The following CCSER1 variants were observed in gnomAD, a reference collection of about 807,000 sequenced individuals.
CCSER1 encodes the protein coiled-coil serine rich protein 1, also known as serine-rich coiled-coil domain-containing protein 1.
In CCSER1, 41 loss-of-function variants were observed where a neutral mutation model predicts 82.0. That is an observed-to-expected ratio of 0.50 (90% CI 0.39 to 0.65). The LOEUF (loss-of-function observed/expected upper bound fraction) is 0.65, where lower values mean the gene tolerates loss of function less well. Ranked by LOEUF, CCSER1 falls within the 30% of genes least tolerant of loss-of-function variation. The probability of loss-of-function intolerance (pLI) is 0.00; values close to 1 mark genes in which losing one functional copy is unlikely to be tolerated. For synonymous variants in CCSER1, 414 were observed against 383.9 expected (o/e 1.08, Z -0.92); for missense variants, 1,119 against 1,064.2 (o/e 1.05, Z -0.72).
Position 90,565,685 on chromosome 4 carries a change from G to A in CCSER1, c.1725-62340G>A, listed in dbSNP as rs894793181. 3.9e-5 allele frequency among the ~76,000 whole-genome samples: 6 copies of A among 152,234 alleles called. No individual in the cohort carries two copies. The East Asian group carries it at 5.8e-4, about 15-fold the overall frequency. On this transcript the variant is annotated intron_variant, in intron 5 of 10. Coordinates refer to ENST00000509176, the MANE Select transcript of CCSER1 (RefSeq NM_001145065.2). Reference sequence around the variant, plus strand: ...TATTATGTTGAGGTACATTCCTTCCGTACCTAACTTGTTGAGAGTTTTTAT... The same window carrying A: ...TATTATGTTGAGGTACATTCCTTCCATACCTAACTTGTTGAGAGTTTTTAT...
chr4:91,500,315 A>G (rs1384482578), intron 10 of CCSER1, among the ~76,000 whole-genome samples: 2 of 151,992 alleles, frequency 1.3e-5, no homozygotes, highest in African/African-American at 4.8e-5. Context: ...CTTTAAAATC[A>G]GGTTATTTGA....
chr4:90,848,065 T>G (rs1763422157), intron 8 of CCSER1, among the ~76,000 whole-genome samples: 1 of 152,202 alleles, frequency 6.6e-6, no homozygotes, highest in Non-Finnish European at 1.5e-5. Context: ...TATTGTGGAT[T>G]TTTTTATGTT....
intron 9 of CCSER1, among the ~76,000 whole-genome samples, chr4:90,983,360 A>C (rs1736296659): frequency 6.6e-6 from 1 of 151,736 alleles, no homozygotes; most frequent in African/African-American, 2.4e-5. Context: ...TTTATGTACT[A>C]AACATTTTTG....
chr4:90,691,461 T>C (rs772219749), intron 6 of CCSER1, among the ~76,000 whole-genome samples: 3 of 143,348 alleles, frequency 2.1e-5, no homozygotes, highest in Non-Finnish European at 4.7e-5. Context: ...CATAATCACA[T>C]ATATACACAC....
intron 10 of CCSER1, among the ~76,000 whole-genome samples, chr4:91,359,377 A>G (rs1330741839): frequency 6.6e-6 from 1 of 151,780 alleles, no homozygotes; most frequent in Non-Finnish European, 1.5e-5. Context: ...GTTTTTCCTT[A>G]AAACAGGTAC....
At chr4:91,478,926 C>T (rs976771625) in intron 10 of CCSER1, among the ~76,000 whole-genome samples, 1 of 151,656 alleles carries the variant, frequency 6.6e-6, no homozygotes. Context: ...TAAACTGTTA[C>T]TAGTATTAGC....
intron 7 of CCSER1, among the ~76,000 whole-genome samples, chr4:90,771,417 A>AT (rs1305297846): frequency 1.3e-5 from 2 of 151,818 alleles, no homozygotes; most frequent in Non-Finnish European, 2.9e-5. Flanking sequence ...TGACCCATTT[A>AT]TATCACCTTA....
intron 4 of CCSER1, among the ~76,000 whole-genome samples, chr4:90,452,853 T>C (rs1706051530): frequency 6.6e-6 from 1 of 152,144 alleles, no homozygotes. Context: ...TGGGCTTGAT[T>C]CTTTCTTCAC....
intron 6 of CCSER1, among the ~76,000 whole-genome samples, chr4:90,673,964 C>T (rs981214074): frequency 6.6e-6 from 1 of 151,872 alleles, no homozygotes; most frequent in African/African-American, 2.4e-5. Context: ...TGACAGAAGG[C>T]AGTTTTTGAG....
chr4:91,024,342 C>G (rs909423985), intron 9 of CCSER1, among the ~76,000 whole-genome samples: 1 of 152,004 alleles, frequency 6.6e-6, no homozygotes, highest in Non-Finnish European at 1.5e-5. Context: ...AAACAGAAAA[C>G]TATTCTGTAT....
rs536501728 is a variant in CCSER1, at chr4:91,520,159, C to G, written c.2218-78413C>G. On this transcript the variant is annotated intron_variant, in intron 10 of 10. Coordinates refer to ENST00000509176, the MANE Select transcript of CCSER1 (RefSeq NM_001145065.2). ...CTGGTGCACTGTACTAATTTATTTC[C>G]TTTGTTTATTTTAATATACATGGAT... Among the ~76,000 whole-genome samples, 395 of 151,606 alleles carry G rather than the reference C, an allele frequency of 2.6e-3. 3 individuals carry two copies. The highest frequency in any genetic ancestry group is 8.9e-3 in the African/African-American group (368 of 41,334).
At chr4:90,955,373 G>A (rs556859590) in intron 9 of CCSER1, among the ~76,000 whole-genome samples, 19 of 152,128 alleles carry the variant, frequency 1.2e-4, no homozygotes, top group Admixed American at 2.0e-4. Flanking sequence ...GCAAGCATTA[G>A]CTCACAAAAA....
At chr4:91,232,156 C>G (rs946607396) in intron 10 of CCSER1, among the ~76,000 whole-genome samples, 1 of 151,682 alleles carries the variant, frequency 6.6e-6, no homozygotes, top group African/African-American at 2.4e-5. Flanking sequence ...ATACAGAGGG[C>G]AAGTAAATAA....
chr4:90,253,294 A>G (rs1722714959), intron 1 of CCSER1, among the ~76,000 whole-genome samples: 1 of 152,100 alleles, frequency 6.6e-6, no homozygotes, highest in Non-Finnish European at 1.5e-5. Flanking sequence ...CCTTTACTGA[A>G]ATTTTAATTT....
intron 8 of CCSER1, among the ~76,000 whole-genome samples, chr4:90,912,040 T>G (rs904104192): frequency 2.0e-5 from 3 of 152,184 alleles, no homozygotes; most frequent in Admixed American, 6.5e-5. Context: ...CTCTGTAGAC[T>G]CCACCTCTGG....
chr4:91,274,768 A>C (rs1438734272), intron 10 of CCSER1, among the ~76,000 whole-genome samples: 2 of 152,146 alleles, frequency 1.3e-5, no homozygotes, highest in Non-Finnish European at 1.5e-5. Flanking sequence ...TGCTATTGTG[A>C]ATAATGCTGC....
intron 10 of CCSER1, among the ~76,000 whole-genome samples, chr4:91,231,096 G>A (rs1048369863): frequency 1.3e-5 from 2 of 151,814 alleles, no homozygotes; most frequent in Admixed American, 6.6e-5. Context: ...CCATATTAAT[G>A]AGAATCCTTA....
At chr4:90,791,808 C>T (rs58373796) in intron 7 of CCSER1, among the ~76,000 whole-genome samples, 26 of 141,234 alleles carry the variant, frequency 1.8e-4, no homozygotes, top group African/African-American at 4.6e-4. Flanking sequence ...GGCTACACAG[C>T]GAGACTGTCT....
intron 5 of CCSER1, among the ~76,000 whole-genome samples, chr4:90,595,982 G>T (rs1244239792): frequency 6.6e-6 from 1 of 151,868 alleles, no homozygotes; most frequent in African/African-American, 2.4e-5. Flanking sequence ...TGGAGAGTTT[G>T]ATAAAGTACT....
Sources: gnomAD v4.1 joint callset for allele counts (sites outside exome capture counted in the v4.1 genomes callset) on GRCh38, gnomAD v4.1.1 for gene constraint, MANE v1.5 for transcripts, NCBI Gene and HGNC (gene_info 2026-07-23, HGNC 2026-07-21) for gene names.